The following INO80 variants were observed in gnomAD, a reference collection of about 807,000 sequenced individuals.
INO80 encodes chromatin-remodeling ATPase INO80.
A neutral mutation model predicts 203.4 loss-of-function variants in INO80; 20 were observed. That is an observed-to-expected ratio of 0.10 (90% confidence interval 0.07 to 0.14). The LOEUF (loss-of-function observed/expected upper bound fraction) is 0.14, where lower values mean the gene tolerates loss of function less well. INO80 is among the 10% of genes least tolerant of loss of function. The probability of loss-of-function intolerance (pLI) is 1.00; values close to 1 mark genes in which losing one functional copy is unlikely to be tolerated. For missense variants in INO80, 1,419 were observed against 1,914.4 expected (o/e 0.74, Z 4.83); for synonymous variants, 726 against 685.2 (o/e 1.06, Z -0.93).
chr15:40,985,465 T>C (rs747830034), intron 31 of INO80, 39 bp from the exon 32 acceptor site: 1 of 1,376,936 alleles, frequency 7.3e-7, no homozygotes, highest in Admixed American at 1.7e-5. Flanking sequence ...GAAGTACCTG[T>C]GGTAATCATA....
intron 14 of INO80, among the ~76,000 whole-genome samples, chr15:41,062,995 G>A (rs558189879): frequency 1.3e-5 from 2 of 152,110 alleles, no homozygotes; most frequent in African/African-American, 2.4e-5. Flanking sequence ...CCAAAACACT[G>A]GGACACATTT....
chr15:41,005,755 T>A, intron 27 of INO80, 68 bp from the exon 28 acceptor site: 1 of 848,840 alleles, frequency 1.2e-6, no homozygotes, highest in Non-Finnish European at 2.0e-6. Context: ...TCCACAGGCA[T>A]CTACCCATCT....
rs192434445 is a variant in INO80 at position 40,979,926 on chromosome 15, G to A, written c.*297C>T. On this transcript the variant is annotated 3_prime_UTR_variant, in exon 36 of 36. Coordinates refer to ENST00000648947, the MANE Select transcript of INO80 (RefSeq NM_017553.3). ...ACAGTATGCCTGAGCATCTAAAGGGGGTCTGTGTCAGGCTTGCCCCGTGAG... is the reference window on the plus strand; with the variant it reads ...ACAGTATGCCTGAGCATCTAAAGGGAGTCTGTGTCAGGCTTGCCCCGTGAG... 82 of 425,082 alleles carry A rather than the reference G, an allele frequency of 1.9e-4. No homozygotes were observed. Among genetic ancestry groups the A allele is most frequent in the Admixed American group, 1.6e-3 (45 of 27,290 alleles). The allele number at this position is 425,082 out of a possible 1,614,324, so 26.3% of individuals were successfully genotyped here.
At position 41,056,560 on chromosome 15, in the gene INO80, T is replaced by C. The variant is rs191722756; in HGVS notation, c.2070+62A>G. ...GCAAGGGAATGGGTAAAGAATTCTA[T>C]GCTCTGCTGGAATCCTTCTGTTTTA... On this transcript the variant is annotated intron_variant, in intron 17 of 35. Transcript: ENST00000648947. The C allele has an allele frequency of 1.0e-4, 129 of 1,237,836 alleles. 1 individual carries two copies. The African/African-American group carries it at 1.8e-3, about 17-fold the overall frequency. The allele number at this position is 1,237,836 out of a possible 1,614,324, so 76.7% of individuals were successfully genotyped here. A position where few individuals can be genotyped will look rare whatever the true frequency, so the allele number is the denominator to read the frequency against.
intron 7 of INO80, among the ~76,000 whole-genome samples, chr15:41,082,067 T>C (rs917199853): frequency 1.3e-5 from 2 of 151,098 alleles, no homozygotes; most frequent in South Asian, 2.1e-4. Context: ...CTGGCCAATG[T>C]GGTGAAGCCC....
chr15:41,094,392 C>A (rs1482582566), intron 4 of INO80, among the ~76,000 whole-genome samples: 2 of 152,166 alleles, frequency 1.3e-5, no homozygotes, highest in African/African-American at 4.8e-5. Context: ...GACCGAAATG[C>A]CGTTACCCTG....
rs920454297 is a variant in INO80, at chr15:40,992,257, A to G, written c.3571-4283T>C. 2.0e-5 allele frequency among the ~76,000 whole-genome samples: 3 copies of G among 152,362 alleles called. No individual in the cohort carries two copies. In the South Asian group the frequency reaches 6.2e-4, roughly 32 times the overall value. On this transcript the variant is annotated intron_variant, in intron 29 of 35. Transcript: ENST00000648947. ...GAAAAGCTCTTCATTCTCACTACAC[A>G]TAAGCATTTAAAACAGGTCTGACAC... is the stretch of plus-strand genomic sequence containing the variant.
chr15:41,115,681 G>A (rs2046023075), intron 1 of INO80, among the ~76,000 whole-genome samples: 2 of 152,116 alleles, frequency 1.3e-5, no homozygotes, highest in African/African-American at 4.8e-5. Context: ...CGTGCACCTG[G>A]TCTAACACAC....
intron 24 of INO80, among the ~76,000 whole-genome samples, chr15:41,041,245 T>C (rs1396704551): frequency 6.6e-6 from 1 of 151,858 alleles, no homozygotes; most frequent in African/African-American, 2.4e-5. Context: ...CACGGCATCA[T>C]GCTTGGCTAA....
intron 29 of INO80, among the ~76,000 whole-genome samples, chr15:40,995,875 C>T: frequency 6.6e-6 from 1 of 152,210 alleles, no homozygotes; most frequent in Non-Finnish European, 1.5e-5. Flanking sequence ...ACTGACAGCC[C>T]TCCCATAGTA....
intron 23 of INO80, among the ~76,000 whole-genome samples, chr15:41,045,879 C>T (rs1035679765): frequency 6.8e-6 from 1 of 146,100 alleles, no homozygotes; most frequent in African/African-American, 2.5e-5. Flanking sequence ...CCAACCTAGG[C>T]GACCGAGTGA....
At chr15:41,025,639 T>C (rs2044364409) in intron 25 of INO80, among the ~76,000 whole-genome samples, 1 of 152,118 alleles carries the variant, frequency 6.6e-6, no homozygotes, top group Admixed American at 6.6e-5. Flanking sequence ...TGCTTGAACC[T>C]GGGAGGCGAA....
chr15:41,051,750 C>A (rs571771874), intron 19 of INO80, among the ~76,000 whole-genome samples: 2 of 151,972 alleles, frequency 1.3e-5, no homozygotes, highest in East Asian at 3.9e-4. Context: ...GTCAAGAGAT[C>A]GAGACCATCC....
At chr15:41,106,199 CA>C (rs2045878173) in intron 1 of INO80, among the ~76,000 whole-genome samples, 1 of 152,046 alleles carries the variant, frequency 6.6e-6, no homozygotes, top group African/African-American at 2.4e-5. Context: ...GCCTGGGCAA[CA>C]TAGCGAAATC....
At chr15:41,069,392 G>T (rs547815434) in intron 14 of INO80, 178 bp downstream of exon 14, 24 of 457,864 alleles carry the variant, frequency 5.2e-5, no homozygotes, top group African/African-American at 4.9e-4. Context: ...GGATGATCTC[G>T]ACTTCCTGAC....
chr15:41,099,764 AGAGT>A (rs1002259779), intron 1 of INO80, among the ~76,000 whole-genome samples: 2 of 150,880 alleles, frequency 1.3e-5, no homozygotes, highest in Non-Finnish European at 2.9e-5. Flanking sequence ...CCTGCATAAC[AGAGT>A]GAGACTATCC....
intron 4 of INO80, among the ~76,000 whole-genome samples, chr15:41,095,035 C>CA (rs35436731): frequency 2.4e-4 from 34 of 144,250 alleles, no homozygotes; most frequent in Middle Eastern, 3.6e-3. Flanking sequence ...TGCAAATATT[C>CA]AAAAAAAAAA....
rs3850771 is a variant in INO80 at position 40,995,289 on chromosome 15, G to T, written c.3570+2240C>A. On this transcript the variant is annotated intron_variant, in intron 29 of 35. Coordinates refer to ENST00000648947, the MANE Select transcript of INO80 (RefSeq NM_017553.3). ...AAAGGAATATTGACACCTGAATGGG[G>T]TTTTAAAGAACAAACAGAAGTTCAC... Among the ~76,000 whole-genome samples the T allele has an allele frequency of 0.021, 3,135 of 152,318 alleles. 384 individuals are homozygous for T. The East Asian group carries it at 0.35, about 17-fold the overall frequency.
chr15:41,085,812 C>A (rs906531923), intron 6 of INO80, among the ~76,000 whole-genome samples: 3 of 152,204 alleles, frequency 2.0e-5, no homozygotes, highest in Non-Finnish European at 4.4e-5. Flanking sequence ...TGGATACTCA[C>A]TCTGTTTATA....
Sources: allele counts gnomAD v4.1 joint callset (sites outside exome capture counted in the v4.1 genomes callset), GRCh38; gene constraint gnomAD v4.1.1; transcripts MANE v1.5; gene names NCBI Gene and HGNC (gene_info 2026-07-23, HGNC 2026-07-21).